Variants in CDK14 observed in about 807,000 individuals in gnomAD.
The protein encoded by CDK14 is cyclin-dependent kinase 14.
In CDK14, 34 loss-of-function variants were observed where a neutral mutation model predicts 60.7. The ratio of observed to expected loss-of-function variants is 0.56; its 90% CI spans 0.43 to 0.75. The LOEUF (loss-of-function observed/expected upper bound fraction) is 0.75, where lower values mean the gene tolerates loss of function less well. CDK14 is among the 30% of genes least tolerant of loss of function. The pLI, the probability that CDK14 is intolerant of heterozygous loss-of-function variation, is 0.00. For synonymous variants in CDK14, 197 were observed against 203.7 expected (o/e 0.97, Z 0.28); for missense variants, 482 against 564.1 (o/e 0.85, Z 1.47).
rs78974580 is a variant in CDK14, at chr7:90,720,100, A to G, written c.124-6467A>G. Among the ~76,000 whole-genome samples, 742 of 152,336 alleles carry G rather than the reference A, an allele frequency of 4.9e-3. 3 individuals are homozygous for G. Among genetic ancestry groups the G allele is most frequent in the African/African-American group, 0.016 (670 of 41,584 alleles). On this transcript the variant is annotated intron_variant, in intron 2 of 14. Transcript: ENST00000380050. ...GAAGGGAAAAGTACTTTAGGGGGCT[A>G]TAAAATGAATATAAGACAGTCCTTG... is the stretch of plus-strand genomic sequence containing the variant.
intron 10 of CDK14, among the ~76,000 whole-genome samples, chr7:90,985,947 A>G (rs1197693415): frequency 6.6e-6 from 1 of 152,072 alleles, no homozygotes; most frequent in Non-Finnish European, 1.5e-5. Context: ...TTATAATGGA[A>G]AATTCCTACA....
At chr7:91,195,673 T>C (rs1802512592) in intron 14 of CDK14, among the ~76,000 whole-genome samples, 1 of 152,232 alleles carries the variant, frequency 6.6e-6, no homozygotes, top group Admixed American at 6.5e-5. Context: ...AGCTGCATTA[T>C]CTGATTTGAT....
intron 2 of CDK14, among the ~76,000 whole-genome samples, chr7:90,721,620 A>T (rs976574638): frequency 2.0e-5 from 3 of 152,258 alleles, no homozygotes; most frequent in Non-Finnish European, 4.4e-5. Flanking sequence ...ACTGGAATCT[A>T]TTACTTTCCA....
At chr7:91,046,441 A>G (rs1584262532) in intron 11 of CDK14, among the ~76,000 whole-genome samples, 2 of 152,210 alleles carry the variant, frequency 1.3e-5, no homozygotes, top group Admixed American at 1.3e-4. Context: ...ACAGCATTCA[A>G]TATGTTTTCA....
chr7:90,803,339 A>T (rs73707890), intron 5 of CDK14, among the ~76,000 whole-genome samples: 6 of 152,138 alleles, frequency 3.9e-5, no homozygotes, highest in African/African-American at 1.4e-4. Context: ...AGTGTTAGAG[A>T]GACAAAAAGG....
chr7:90,994,084 C>T (rs802413), intron 10 of CDK14, among the ~76,000 whole-genome samples: 133,462 of 152,184 alleles, frequency 0.88, 58,806 homozygotes, highest in Non-Finnish European at 0.93. Flanking sequence ...CACCTCAAAA[C>T]CCCCTAGTTT....
chr7:91,153,526 T>G (rs1800884493), intron 14 of CDK14, among the ~76,000 whole-genome samples: 1 of 152,150 alleles, frequency 6.6e-6, no homozygotes, highest in South Asian at 2.1e-4. Context: ...ATGGCACATA[T>G]ACACCATGGA....
chr7:90,713,506 A>G (rs1285386134), intron 2 of CDK14, among the ~76,000 whole-genome samples: 1 of 151,956 alleles, frequency 6.6e-6, no homozygotes, highest in Non-Finnish European at 1.5e-5. Context: ...TATGAGACTA[A>G]TTCAGAATCA....
chr7:90,846,793 C>T (rs1194367411), intron 5 of CDK14, among the ~76,000 whole-genome samples: 1 of 152,022 alleles, frequency 6.6e-6, no homozygotes, highest in African/African-American at 2.4e-5. Context: ...CCTGAATAAC[C>T]AAAGTGGCCC....
At chr7:90,913,602 T>G (rs577596653) in intron 7 of CDK14, among the ~76,000 whole-genome samples, 3 of 152,256 alleles carry the variant, frequency 2.0e-5, no homozygotes, top group African/African-American at 7.2e-5. Context: ...TTTAGGGGTG[T>G]GGTAAATGAT....
At chr7:91,061,225 T>C (rs1195728546) in intron 11 of CDK14, among the ~76,000 whole-genome samples, 3 of 152,258 alleles carry the variant, frequency 2.0e-5, no homozygotes, top group Admixed American at 6.5e-5. Context: ...GTCATGTAGT[T>C]CTTGTGCCAT....
intron 14 of CDK14, among the ~76,000 whole-genome samples, chr7:91,130,779 T>C (rs927760960): frequency 6.6e-6 from 1 of 152,154 alleles, no homozygotes; most frequent in African/African-American, 2.4e-5. Flanking sequence ...ATATTAATCT[T>C]AGGGGCTGTG....
chr7:90,665,857 A>G (rs1416020744), intron 2 of CDK14, among the ~76,000 whole-genome samples: 3 of 152,066 alleles, frequency 2.0e-5, no homozygotes, highest in African/African-American at 2.4e-5. Flanking sequence ...TCATTTAGCA[A>G]ATCAGTTCTG....
At chr7:90,733,263 G>A (rs1802946597) in intron 3 of CDK14, among the ~76,000 whole-genome samples, 1 of 152,066 alleles carries the variant, frequency 6.6e-6, no homozygotes, top group African/African-American at 2.4e-5. Flanking sequence ...CAGTTATGTG[G>A]TCAATTTTAG....
At chr7:90,635,563 ATT>A in intron 2 of CDK14, among the ~76,000 whole-genome samples, 1 of 152,144 alleles carries the variant, frequency 6.6e-6, no homozygotes, top group Non-Finnish European at 1.5e-5. Flanking sequence ...GAAGTCAGGT[ATT>A]GTGATGCCTC....
chr7:90,834,624 C>T (rs1045879191), intron 5 of CDK14, among the ~76,000 whole-genome samples: 1 of 152,076 alleles, frequency 6.6e-6, no homozygotes. Context: ...AGTTTATAAC[C>T]TGGAGATGGG....
intron 2 of CDK14, among the ~76,000 whole-genome samples, chr7:90,669,325 C>G (rs1801052808): frequency 6.6e-6 from 1 of 152,136 alleles, no homozygotes; most frequent in Non-Finnish European, 1.5e-5. Context: ...GGACGTGGGA[C>G]TTGGTTTGCT....
At position 91,202,490 on chromosome 7, in the gene CDK14, G is replaced by A. The variant is rs542410453; in HGVS notation, c.*29-4675G>A. 3.3e-5 allele frequency among the ~76,000 whole-genome samples: 5 copies of A among 152,246 alleles called. No individual in the cohort carries two copies. The South Asian group carries it at 1.0e-3, about 32-fold the overall frequency. Reference sequence around the variant, plus strand: ...ACATGTTTTAATAATAAAGGTAAGGGAAAGAATTACATTGATATTATATTT... The same window carrying A: ...ACATGTTTTAATAATAAAGGTAAGGAAAAGAATTACATTGATATTATATTT... On this transcript the variant is annotated intron_variant, in intron 14 of 14. Transcript: ENST00000380050.
chr7:91,143,591 C>T (rs1431715807), intron 14 of CDK14, among the ~76,000 whole-genome samples: 2 of 152,104 alleles, frequency 1.3e-5, no homozygotes, highest in African/African-American at 4.8e-5. Flanking sequence ...CGTGGTAGTG[C>T]TCACCTGTAG....
Sources: allele counts gnomAD v4.1 joint callset (sites outside exome capture counted in the v4.1 genomes callset), GRCh38; gene constraint gnomAD v4.1.1; transcripts MANE v1.5; gene names NCBI Gene and HGNC (gene_info 2026-07-23, HGNC 2026-07-21).